Variants in TRPM1 observed in about 807,000 individuals in gnomAD.
TRPM1 encodes the protein TRPM1-203 APA Isoform, Intron 10.
A neutral mutation model predicts 149.4 loss-of-function variants in TRPM1; 113 were observed. That is an observed-to-expected ratio of 0.76 (90% CI 0.65 to 0.88). TRPM1 has a LOEUF of 0.88. Ranked by LOEUF, TRPM1 falls within the 40% of genes least tolerant of loss-of-function variation. The pLI is 0.00. For missense variants in TRPM1, 1,976 were observed against 2,038.7 expected (o/e 0.97, Z 0.59); for synonymous variants, 741 against 759.5 (o/e 0.98, Z 0.40).
chr15:31,124,900 G>A (rs561842337), intron 1 of TRPM1, among the ~76,000 whole-genome samples: 8 of 152,186 alleles, frequency 5.3e-5, no homozygotes, highest in East Asian at 3.9e-4. Flanking sequence ...TGGGCTGGGC[G>A]CAGTGGCTTA....
In TRPM1 at chr15:31,037,952, C is replaced by T. The variant is rs913875917; in HGVS notation, c.2439+92G>A. 7 of 1,611,530 alleles carry T rather than the reference C, an allele frequency of 4.3e-6. No homozygotes were observed. The African/African-American group carries it at 9.3e-5, about 22-fold the overall frequency. On this transcript the variant is annotated intron_variant, in intron 19 of 27. Transcript: ENST00000256552. ...ACACAATTCCAAAAATACCTTTAAC[C>T]AGTGAGATTTCTCAATCTGTGGTAC...
At chr15:31,113,502 C>T (rs1567062660) in intron 1 of TRPM1, among the ~76,000 whole-genome samples, 1 of 151,864 alleles carries the variant, frequency 6.6e-6, no homozygotes, top group African/African-American at 2.4e-5. Flanking sequence ...AAGACAGTGA[C>T]TGAGAATTTT....
At chr15:31,037,644 T>A (rs2033452844) in intron 20 of TRPM1, 67 bp downstream of exon 20, 1 of 1,609,778 alleles carries the variant, frequency 6.2e-7, no homozygotes, top group African/African-American at 1.3e-5. Context: ...TTGAAGTTTT[T>A]CTTGATTCCA....
chr15:31,089,054 T>G (rs2035128239), intron 1 of TRPM1, among the ~76,000 whole-genome samples: 1 of 152,144 alleles, frequency 6.6e-6, no homozygotes, highest in Admixed American at 6.5e-5. Flanking sequence ...ATCCAGTAAT[T>G]AGGATAAGTA....
intron 10 of TRPM1, 59 bp downstream of exon 10, chr15:31,061,383 A>G: frequency 6.5e-7 from 1 of 1,542,808 alleles, no homozygotes. Flanking sequence ...CCGGGAGGGA[A>G]GGATTGCCGG....
chr15:31,155,248 G>A (rs932120307), intron 1 of TRPM1, among the ~76,000 whole-genome samples: 1 of 152,318 alleles, frequency 6.6e-6, no homozygotes. Context: ...GGCCCAGGGA[G>A]AGGTGAGAGC....
intron 24 of TRPM1, 44 bp from the exon 25 acceptor site, chr15:31,028,520 G>A: frequency 2.5e-6 from 4 of 1,600,482 alleles, no homozygotes; most frequent in Non-Finnish European, 3.4e-6. Flanking sequence ...TACATATAAT[G>A]AAAAGGATAA....
At chr15:31,020,923 G>C (rs1056605519) in intron 27 of TRPM1, among the ~76,000 whole-genome samples, 8 of 152,130 alleles carry the variant, frequency 5.3e-5, no homozygotes, top group African/African-American at 1.9e-4. Flanking sequence ...AATTCTGGGT[G>C]AGTAGTAGGC....
At position 31,026,213 on chromosome 15, in the gene TRPM1, C is replaced by T; in HGVS notation, c.3555G>A (p.Val1185=). 2 of 1,612,622 alleles carry T rather than the reference C, an allele frequency of 1.2e-6. No homozygotes were observed. Among genetic ancestry groups the T allele is most frequent in the Non-Finnish European group, 8.5e-7 (1 of 1,180,018 alleles). ...KRLHEFEEQC[V]QEHFREKEDE... ...CCTCCTTCTCCCGGAAGTGCTCCTG[C>T]ACGCACTGCTCCTCGAACTCATGCA... Residue 1185 remains valine (V), a synonymous_variant, in exon 27 of 28, where the codon GTG becomes GTA. Transcript: ENST00000256552.
intron 1 of TRPM1, among the ~76,000 whole-genome samples, chr15:31,131,741 G>T (rs1003940155): frequency 1.9e-4 from 29 of 152,174 alleles, no homozygotes; most frequent in African/African-American, 6.3e-4. Flanking sequence ...GTGAGAGTGG[G>T]TGGAAGCAGT....
chr15:31,083,033 G>C (rs2034904042), intron 1 of TRPM1, among the ~76,000 whole-genome samples: 1 of 152,136 alleles, frequency 6.6e-6, no homozygotes, highest in Non-Finnish European at 1.5e-5. Context: ...GAGAAGGCTG[G>C]ACGGAGACAA....
intron 1 of TRPM1, among the ~76,000 whole-genome samples, chr15:31,116,275 G>C (rs994068879): frequency 2.0e-5 from 3 of 152,162 alleles, no homozygotes; most frequent in African/African-American, 7.2e-5. Context: ...AGCACTTGTA[G>C]AAGTCACAGC....
rs13380059 is a variant in TRPM1 at position 31,002,720 on chromosome 15, C to T, written c.3980G>A (p.Arg1327His). Residue 1327 changes from arginine to histidine, a missense_variant, in exon 28 of 28, where the codon CGT becomes CAT. Physicochemically the swap from Arg to His is conservative, Grantham distance 29. Coordinates refer to ENST00000256552, the MANE Select transcript of TRPM1 (RefSeq NM_001252024.2). Reference sequence around the variant, plus strand: ...TTTCACGTCCTTCTCTTCCTTTATACGGAAGGAACAGGTTTTTTTCCTGAC... The same window carrying T: ...TTTCACGTCCTTCTCTTCCTTTATATGGAAGGAACAGGTTTTTTTCCTGAC... The part of the protein sequence containing the change: ...TGVRKKTCSF[R>H]IKEEKDVKTH... The T allele has an allele frequency of 1.2e-3, 1,989 of 1,614,158 alleles. 22 individuals carry two copies. In the African/African-American group the frequency reaches 0.022, roughly 18 times the overall value.
rs372144508 is a variant in TRPM1 at position 31,067,866 on chromosome 15, G to T, written c.493+13C>A. 4 of 1,611,728 alleles carry T rather than the reference G, an allele frequency of 2.5e-6. No homozygotes were observed. Among genetic ancestry groups the T allele is most frequent in the Non-Finnish European group, 3.4e-6 (4 of 1,179,662 alleles). On this transcript the variant is annotated intron_variant, in intron 5 of 27. Coordinates refer to ENST00000256552, the MANE Select transcript of TRPM1 (RefSeq NM_001252024.2). ...GTACATTGATTATCGGGAGGGAAAGGGCCTGCTCTTACCTGTGCTGACACC... is the reference window on the plus strand; with the variant it reads ...GTACATTGATTATCGGGAGGGAAAGTGCCTGCTCTTACCTGTGCTGACACC...
intron 22 of TRPM1, among the ~76,000 whole-genome samples, chr15:31,031,955 C>T (rs763198150): frequency 1.3e-5 from 2 of 151,450 alleles, no homozygotes; most frequent in Non-Finnish European, 2.9e-5. Flanking sequence ...GCCCTGGGCT[C>T]CCTTTGTCTC....
At chr15:31,076,133 G>GT (rs397839967) in intron 3 of TRPM1, among the ~76,000 whole-genome samples, 3 of 151,942 alleles carry the variant, frequency 2.0e-5, no homozygotes, top group Admixed American at 2.0e-4. Context: ...ACCTCGGGGG[G>GT]CAATCACTGG....
chr15:31,148,357 T>C (rs996372236), intron 1 of TRPM1, among the ~76,000 whole-genome samples: 1 of 151,824 alleles, frequency 6.6e-6, no homozygotes, highest in Non-Finnish European at 1.5e-5. Flanking sequence ...CCAAAGGGGG[T>C]TGGGGGCTGG....
chr15:31,034,933 TTAAA>T (rs1424479606), intron 21 of TRPM1, among the ~76,000 whole-genome samples: 7 of 152,250 alleles, frequency 4.6e-5, no homozygotes, highest in Non-Finnish European at 7.3e-5. Context: ...TGTATACATC[TTAAA>T]TAAAGAAATG....
At chr15:31,078,397 AC>A (rs967244326) in intron 2 of TRPM1, among the ~76,000 whole-genome samples, 3 of 151,902 alleles carry the variant, frequency 2.0e-5, no homozygotes, top group Non-Finnish European at 4.4e-5. Context: ...GCGTGCAAGT[AC>A]CCCCCAAACT....
Sources: allele counts gnomAD v4.1 joint callset (sites outside exome capture counted in the v4.1 genomes callset), GRCh38; gene constraint gnomAD v4.1.1; transcripts MANE v1.5; gene names NCBI Gene and HGNC (gene_info 2026-07-23, HGNC 2026-07-21).